Variants in USP34 observed in about 807,000 individuals in gnomAD.
USP34 encodes ubiquitin carboxyl-terminal hydrolase 34.
In USP34, 70 loss-of-function variants were observed where a neutral mutation model predicts 460.3. The ratio of observed to expected loss-of-function variants is 0.15; its 90% CI spans 0.13 to 0.19. The LOEUF (loss-of-function observed/expected upper bound fraction) is 0.19, where lower values mean the gene tolerates loss of function less well. Among genes scored for constraint, USP34 ranks in the 10% least tolerant of loss-of-function variants. The probability of loss-of-function intolerance (pLI) is 1.00; values close to 1 mark genes in which losing one functional copy is unlikely to be tolerated. For synonymous variants in USP34, 1,647 were observed against 1,405.3 expected, an observed-to-expected ratio of 1.17 and a Z score of -3.85; for missense variants, 3,985 against 4,236.2, an observed-to-expected ratio of 0.94 and a Z score of 1.65.
At chr2:61,456,257 G>A (rs543151136) in intron 1 of USP34, among the ~76,000 whole-genome samples, 34 of 152,260 alleles carry the variant, frequency 2.2e-4, no homozygotes, top group African/African-American at 7.9e-4. Context: ...TTCTTTTCCA[G>A]AAGCACACTC....
chr2:61,227,289 T>C lies in USP34; in HGVS notation c.7444-71A>G, dbSNP rs926503764. ...ATCATTTTGAGAACAAATGACTTGTTTTATGTAACAGTGTAGATGGTGGCA... is the reference window on the plus strand; with the variant it reads ...ATCATTTTGAGAACAAATGACTTGTCTTATGTAACAGTGTAGATGGTGGCA... On this transcript the variant is annotated intron_variant, in intron 61 of 79. Coordinates refer to ENST00000398571, the MANE Select transcript of USP34 (RefSeq NM_014709.4). 2.8e-5 allele frequency: 43 copies of C among 1,514,458 alleles called. No homozygotes were observed. The Admixed American group carries it at 8.4e-4, about 29-fold the overall frequency. 93.8% of individuals were successfully genotyped at this position (1,514,458 alleles called of 1,614,324 possible).
At chr2:61,369,731 T>C (rs1387774145) in intron 10 of USP34, among the ~76,000 whole-genome samples, 1 of 148,724 alleles carries the variant, frequency 6.7e-6, no homozygotes, top group African/African-American at 2.5e-5. Flanking sequence ...ACTTCATATA[T>C]TGATGAGAAA....
chr2:61,312,437 C>T (rs1193441378), intron 25 of USP34, among the ~76,000 whole-genome samples: 1 of 150,078 alleles, frequency 6.7e-6, no homozygotes, highest in African/African-American at 2.5e-5. Context: ...AGGCACCTAG[C>T]ATGATAATCA....
intron 1 of USP34, among the ~76,000 whole-genome samples, chr2:61,449,187 C>T (rs1350179955): frequency 3.3e-5 from 5 of 150,348 alleles, no homozygotes; most frequent in South Asian, 2.1e-4. Flanking sequence ...ACAAGAGGAG[C>T]GCTCGAACCT....
intron 10 of USP34, among the ~76,000 whole-genome samples, chr2:61,367,881 A>T (rs1692487113): frequency 6.6e-6 from 1 of 152,200 alleles, no homozygotes; most frequent in African/African-American, 2.4e-5. Flanking sequence ...ATTTTACCCC[A>T]ATGCTAAAAT....
intron 72 of USP34, 96 bp from the exon 73 acceptor site, chr2:61,204,697 C>T: frequency 3.2e-6 from 3 of 945,908 alleles, no homozygotes; most frequent in South Asian, 1.5e-5. Flanking sequence ...CTCACTACAA[C>T]CAGTTTAATG....
At chr2:61,284,297 T>C (rs1272427455) in intron 35 of USP34, among the ~76,000 whole-genome samples, 2 of 152,150 alleles carry the variant, frequency 1.3e-5, no homozygotes, top group East Asian at 3.8e-4. Context: ...AATCTAATCA[T>C]GAAGGCTAAT....
At chr2:61,244,093 G>A (rs754513060) in intron 51 of USP34, among the ~76,000 whole-genome samples, 36 of 150,856 alleles carry the variant, frequency 2.4e-4, no homozygotes, top group Non-Finnish European at 3.8e-4. Flanking sequence ...CTCAACTTTC[G>A]GCTAAGATCA....
intron 23 of USP34, among the ~76,000 whole-genome samples, chr2:61,315,199 T>C (rs1047100046): frequency 1.3e-5 from 2 of 152,160 alleles, no homozygotes; most frequent in African/African-American, 4.8e-5. Flanking sequence ...AACTCACAAG[T>C]TGTGACTACA....
intron 8 of USP34, among the ~76,000 whole-genome samples, chr2:61,373,554 G>C (rs1176551618): frequency 1.3e-5 from 2 of 151,698 alleles, no homozygotes; most frequent in African/African-American, 2.4e-5. Flanking sequence ...AGAGACAAAG[G>C]ACATTTAAAA....
At chr2:61,430,214 C>CA (rs1232126412) in intron 1 of USP34, among the ~76,000 whole-genome samples, 1,783 of 77,938 alleles carry the variant, frequency 0.023, 32 homozygotes, top group African/African-American at 0.075. Flanking sequence ...GTCTTCGTCA[C>CA]AAAAAAAAAA....
chr2:61,204,531 G>C lies in USP34; in HGVS notation c.9225C>G (p.His3075Gln), dbSNP rs763239753. The C allele has an allele frequency of 5.0e-6, 8 of 1,614,132 alleles. No homozygotes were observed. Among genetic ancestry groups the C allele is most frequent in the Non-Finnish European group, 6.8e-6 (8 of 1,179,960 alleles). Residue 3075 changes from histidine to glutamine, a missense_variant, in exon 73 of 80, where the codon CAC becomes CAG. Physicochemically the swap from His to Gln is conservative, Grantham distance 24 (BLOSUM62 0). Transcript: ENST00000398571. Reference protein sequence around the residue: ...FLHTLVPFLQHNHCTYHHSNI... With the variant: ...FLHTLVPFLQQNHCTYHHSNI... ...TACTGTGATGGTAAGTACAATGGTT[G>C]TGTTGTAGAAAGGGAACCAGAGTAT...
At chr2:61,318,004 G>T (rs1050772650) in intron 22 of USP34, among the ~76,000 whole-genome samples, 1 of 151,810 alleles carries the variant, frequency 6.6e-6, no homozygotes, top group Admixed American at 6.6e-5. Context: ...ACCAGCCTGG[G>T]CAACATGGCG....
chr2:61,249,724 A>T (rs1225455312), intron 48 of USP34: 3 of 152,730 alleles, frequency 2.0e-5, no homozygotes, highest in Non-Finnish European at 4.4e-5. Context: ...GCAGAAGAAG[A>T]GTCTGCAGGG....
At chr2:61,332,493 G>A (rs1346678556) in intron 19 of USP34, among the ~76,000 whole-genome samples, 2 of 151,952 alleles carry the variant, frequency 1.3e-5, no homozygotes, top group Admixed American at 1.3e-4. Context: ...TCGGGTACTT[G>A]ATTAAGTAAC....
intron 34 of USP34, among the ~76,000 whole-genome samples, 193 bp downstream of exon 34, chr2:61,288,484 A>G (rs1040320147): frequency 1.2e-4 from 19 of 152,214 alleles, no homozygotes; most frequent in Middle Eastern, 3.2e-3. Flanking sequence ...GGCACGACTC[A>G]TTTCTGCATT....
At position 61,444,049 on chromosome 2, in the gene USP34, C is replaced by G. The variant is rs756572736; in HGVS notation, c.44-23216G>C. Among the ~76,000 whole-genome samples the G allele has an allele frequency of 2.0e-4, 31 of 152,068 alleles. 1 individual carries two copies. Among genetic ancestry groups the G allele is most frequent in the Non-Finnish European group, 3.5e-4 (24 of 67,998 alleles). On this transcript the variant is annotated intron_variant, in intron 1 of 79. Transcript: ENST00000398571. ...ACTCTGGGAGGCGAAAGCAGGACTGCTTCAGCATGGGCAACATACGGAGAC... is the reference window on the plus strand; with the variant it reads ...ACTCTGGGAGGCGAAAGCAGGACTGGTTCAGCATGGGCAACATACGGAGAC...
Position 61,204,348 on chromosome 2 carries a change from T to G in USP34, c.9292A>C (p.Asn3098His). The G allele has an allele frequency of 6.2e-7, 1 of 1,614,202 alleles. No individual in the cohort carries two copies. Among genetic ancestry groups the G allele is most frequent in the East Asian group, 2.2e-5 (1 of 44,884 alleles). Reference sequence around the variant, plus strand: ...CTTTTCCCTCCTATTAGCTTGATATTTTCTCGACAAGGGAAATAAGGTCCA... The same window carrying G: ...CTTTTCCCTCCTATTAGCTTGATATGTTCTCGACAAGGGAAATAAGGTCCA... ...SLGPYFPCRE[N>H]IKLIGGKSNI... The change falls in exon 74 of 80, where the codon AAT becomes CAT. Residue 3098 changes from asparagine (N) to histidine (H), a missense_variant. By Grantham distance (68) the Asn-to-His change is moderately conservative. Coordinates refer to ENST00000398571, the MANE Select transcript of USP34 (RefSeq NM_014709.4).
chr2:61,449,587 C>T (rs549277946), intron 1 of USP34, among the ~76,000 whole-genome samples: 152 of 151,208 alleles, frequency 1.0e-3, no homozygotes, highest in Non-Finnish European at 1.6e-3. Context: ...CCACAGCAAT[C>T]AAGACAGTGT....
Sources: allele counts gnomAD v4.1 joint callset (sites outside exome capture counted in the v4.1 genomes callset), GRCh38; gene constraint gnomAD v4.1.1; transcripts MANE v1.5; gene names NCBI Gene and HGNC (gene_info 2026-07-23, HGNC 2026-07-21).